The following RAI14 variants were observed in gnomAD, a reference collection of about 807,000 sequenced individuals.
RAI14 encodes the protein ankycorbin.
In RAI14, 45 loss-of-function variants were observed where a neutral mutation model predicts 115.4. That is an observed-to-expected ratio of 0.39 (90% CI 0.31 to 0.50). The LOEUF (loss-of-function observed/expected upper bound fraction) is 0.50, where lower values mean the gene tolerates loss of function less well. Ranked by LOEUF, RAI14 falls within the 20% of genes least tolerant of loss-of-function variation. RAI14 has a pLI of 0.85. For missense variants in RAI14, 939 were observed against 1,131.2 expected, an observed-to-expected ratio of 0.83 and a Z score of 2.44; for synonymous variants, 371 against 415.4, an observed-to-expected ratio of 0.89 and a Z score of 1.30.
chr5:34,721,198 A>G (rs903273789), intron 2 of RAI14, among the ~76,000 whole-genome samples: 1 of 150,512 alleles, frequency 6.6e-6, no homozygotes, highest in African/African-American at 2.5e-5. Context: ...TTGTCCATAG[A>G]TATTGCTTCT....
At chr5:34,763,053 A>C (rs1332546923) in intron 3 of RAI14, among the ~76,000 whole-genome samples, 6 of 151,912 alleles carry the variant, frequency 3.9e-5, no homozygotes, top group African/African-American at 1.5e-4. Flanking sequence ...AATTTGTGAG[A>C]GTATTTTTAG....
chr5:34,746,635 C>G (rs896442750), intron 2 of RAI14, among the ~76,000 whole-genome samples: 1 of 151,942 alleles, frequency 6.6e-6, no homozygotes, highest in Non-Finnish European at 1.5e-5. Flanking sequence ...GAACTCCTGA[C>G]CTCAAGGGAT....
chr5:34,788,782 C>T (rs1424954360), intron 3 of RAI14, among the ~76,000 whole-genome samples: 2 of 151,978 alleles, frequency 1.3e-5, no homozygotes, highest in African/African-American at 2.4e-5. Context: ...CCAGCCTAGC[C>T]AACATGGTGA....
At chr5:34,814,489 T>G in intron 11 of RAI14, 94 bp from the exon 12 acceptor site, 1 of 862,154 alleles carries the variant, frequency 1.2e-6, no homozygotes, top group South Asian at 1.5e-5. Context: ...TAGATTTCAT[T>G]GCATTGGTTA....
intron 3 of RAI14, among the ~76,000 whole-genome samples, chr5:34,786,250 A>G (rs955817171): frequency 2.6e-5 from 4 of 152,224 alleles, no homozygotes; most frequent in East Asian, 1.9e-4. Flanking sequence ...GGGAACTGCC[A>G]AGCCTCTAAA....
intron 4 of RAI14, among the ~76,000 whole-genome samples, chr5:34,800,115 A>C (rs1205609820): frequency 6.6e-6 from 1 of 152,222 alleles, no homozygotes; most frequent in Admixed American, 6.5e-5. Context: ...TTATAGTGCA[A>C]TATCAACTGT....
At chr5:34,669,577 G>A (rs1743477360) in intron 1 of RAI14, among the ~76,000 whole-genome samples, 2 of 152,174 alleles carry the variant, frequency 1.3e-5, no homozygotes, top group African/African-American at 4.8e-5. Flanking sequence ...GGCTGTGGGC[G>A]CTTTTGTGTG....
chr5:34,803,926 T>C (rs1754575369), intron 5 of RAI14, 150 bp downstream of exon 5: 6 of 692,070 alleles, frequency 8.7e-6, no homozygotes, highest in Non-Finnish European at 1.5e-5. Context: ...ATGATTGAAA[T>C]GATAGCCAAG....
intron 3 of RAI14, among the ~76,000 whole-genome samples, chr5:34,789,257 T>A (rs751348210): frequency 6.6e-6 from 1 of 152,192 alleles, no homozygotes; most frequent in Non-Finnish European, 1.5e-5. Context: ...ACTGCATACA[T>A]AAGAAGGGAA....
intron 2 of RAI14, among the ~76,000 whole-genome samples, chr5:34,713,880 A>C (rs1741701049): frequency 6.6e-6 from 1 of 152,116 alleles, no homozygotes; most frequent in African/African-American, 2.4e-5. Flanking sequence ...ATCTTGGCTC[A>C]TTGCAACCTC....
At chr5:34,696,129 TTTATTTTTTA>T (rs978102126) in intron 2 of RAI14, among the ~76,000 whole-genome samples, 1 of 152,064 alleles carries the variant, frequency 6.6e-6, no homozygotes, top group Non-Finnish European at 1.5e-5. Context: ...TAGCATTTTA[TTTATTTTTTA>T]TTATTTTTTA....
chr5:34,808,692 T>C (rs113312119), intron 7 of RAI14, 38 bp downstream of exon 7: 176,271 of 1,588,364 alleles, frequency 0.11, 11,192 homozygotes, highest in South Asian at 0.14. Context: ...GAGGTAGACA[T>C]TGGTTTCTAG....
chr5:34,763,077 G>C (rs1748895325), intron 3 of RAI14, among the ~76,000 whole-genome samples: 1 of 152,092 alleles, frequency 6.6e-6, no homozygotes, highest in South Asian at 2.1e-4. Context: ...ACTCTGTGGA[G>C]CTTGACTATA....
intron 2 of RAI14, among the ~76,000 whole-genome samples, chr5:34,699,031 A>C (rs138952440): frequency 6.6e-6 from 1 of 152,152 alleles, no homozygotes; most frequent in Admixed American, 6.5e-5. Context: ...AGTGCCCCTC[A>C]TCTCCTGAGA....
chr5:34,709,579 G>A (rs540316304), intron 2 of RAI14, among the ~76,000 whole-genome samples: 38 of 152,246 alleles, frequency 2.5e-4, no homozygotes, highest in African/African-American at 8.9e-4. Context: ...GTTGACATTT[G>A]GAAAAAAACA....
chr5:34,767,015 C>A (rs1002960558), intron 3 of RAI14, among the ~76,000 whole-genome samples: 1 of 152,110 alleles, frequency 6.6e-6, no homozygotes, highest in Non-Finnish European at 1.5e-5. Flanking sequence ...GTAAGAAGTG[C>A]CTTTCACCTC....
intron 13 of RAI14, among the ~76,000 whole-genome samples, chr5:34,820,808 G>T (rs553251072): frequency 6.6e-6 from 1 of 152,344 alleles, no homozygotes; most frequent in South Asian, 2.1e-4. Context: ...ATTTCAGCAT[G>T]ATAATCAGTA....
At chr5:34,757,829 C>T in intron 3 of RAI14, 1 of 318,794 alleles carries the variant, frequency 3.1e-6, no homozygotes, top group South Asian at 1.1e-4. Context: ...GGTTTTACCT[C>T]CTAAGATTGC....
At position 34,830,944 on chromosome 5, in the gene RAI14, G is replaced by A; in HGVS notation, c.*179G>A. ...GGAGAAGACTGCCCGCCTCAGAACT[G>A]CTTAGAGACTTCAAACCAGCAGAGG... On this transcript the variant is annotated 3_prime_UTR_variant, in exon 18 of 18. Coordinates refer to ENST00000265109, the MANE Select transcript of RAI14 (RefSeq NM_015577.3). The A allele has an allele frequency of 8.8e-7, 1 of 1,129,962 alleles. No individual in the cohort carries two copies. The highest frequency in any genetic ancestry group is 1.7e-5 in the South Asian group (1 of 58,638). The allele number at this position is 1,129,962 out of a possible 1,614,324, so 70.0% of individuals were successfully genotyped here. A position where few individuals can be genotyped will look rare whatever the true frequency, so the allele number is the denominator to read the frequency against.
Sources: allele counts gnomAD v4.1 joint callset (sites outside exome capture counted in the v4.1 genomes callset), GRCh38; gene constraint gnomAD v4.1.1; transcripts MANE v1.5; gene names NCBI Gene and HGNC (gene_info 2026-07-23, HGNC 2026-07-21).